Variants in PCCA observed in about 807,000 individuals in gnomAD.
PCCA encodes propionyl-CoA carboxylase subunit alpha.
A neutral mutation model predicts 101.3 loss-of-function variants in PCCA; 74 were observed. That is an observed-to-expected ratio of 0.73 (90% CI 0.61 to 0.89). The LOEUF is 0.89. Ranked by LOEUF, PCCA falls within the 40% of genes least tolerant of loss-of-function variation. The pLI, the probability that PCCA is intolerant of heterozygous loss-of-function variation, is 0.00. For missense variants in PCCA, 891 were observed against 907.0 expected (o/e 0.98, Z 0.23); for synonymous variants, 294 against 313.6 (o/e 0.94, Z 0.66).
At chr13:100,332,449 CAG>C (rs1343601604) in intron 17 of PCCA, among the ~76,000 whole-genome samples, 1 of 152,006 alleles carries the variant, frequency 6.6e-6, no homozygotes, top group Non-Finnish European at 1.5e-5. Flanking sequence ...AAGGAGAAAA[CAG>C]GGAAAAACTA....
At chr13:100,494,631 C>T (rs545722783) in intron 21 of PCCA, among the ~76,000 whole-genome samples, 1 of 150,220 alleles carries the variant, frequency 6.7e-6, no homozygotes, top group African/African-American at 2.5e-5. Flanking sequence ...TGCGGTGAGC[C>T]GAGATCGCGC....
chr13:100,187,994 A>G (rs919905258), intron 6 of PCCA, among the ~76,000 whole-genome samples: 1 of 151,956 alleles, frequency 6.6e-6, no homozygotes, highest in Non-Finnish European at 1.5e-5. Flanking sequence ...GGGTGAGAAC[A>G]TACGATGTTT....
At chr13:100,248,359 A>G (rs1216353225) in intron 8 of PCCA, among the ~76,000 whole-genome samples, 3 of 152,044 alleles carry the variant, frequency 2.0e-5, no homozygotes, top group South Asian at 2.1e-4. Context: ...TCCCTCCACT[A>G]TGTTGGAAAT....
At chr13:100,162,132 G>C (rs1277957449) in intron 6 of PCCA, among the ~76,000 whole-genome samples, 1 of 151,454 alleles carries the variant, frequency 6.6e-6, no homozygotes, top group African/African-American at 2.4e-5. Flanking sequence ...GCGTGTGCTA[G>C]AATTTTGCTA....
At chr13:100,269,589 G>T (rs2063171891) in intron 11 of PCCA, among the ~76,000 whole-genome samples, 2 of 152,078 alleles carry the variant, frequency 1.3e-5, no homozygotes, top group Non-Finnish European at 2.9e-5. Context: ...TTTGATGCTA[G>T]GTTGCTATTT....
chr13:100,388,875 A>G (rs2076660521), intron 19 of PCCA, among the ~76,000 whole-genome samples: 1 of 152,240 alleles, frequency 6.6e-6, no homozygotes, highest in African/African-American at 2.4e-5. Context: ...TATAAATAGA[A>G]TGAACAGTGG....
intron 4 of PCCA, among the ~76,000 whole-genome samples, chr13:100,136,556 G>A (rs1181745783): frequency 6.6e-6 from 1 of 152,096 alleles, no homozygotes; most frequent in African/African-American, 2.4e-5. Flanking sequence ...GGTTTTAAAT[G>A]ACGTATTCAA....
chr13:100,524,412 T>TGTGTGTGTGTGTGTGTGTG (rs59438858), intron 22 of PCCA, among the ~76,000 whole-genome samples: 12 of 148,916 alleles, frequency 8.1e-5, no homozygotes, highest in Non-Finnish European at 1.5e-4. Flanking sequence ...TGTGTGTGTG[T>TGTGTGTGTGTGTGTGTGTG]TGGGGTAGAA....
At chr13:100,302,737 T>A (rs1595210806) in intron 13 of PCCA, among the ~76,000 whole-genome samples, 187 bp from the exon 14 acceptor site, 1 of 152,212 alleles carries the variant, frequency 6.6e-6, no homozygotes, top group South Asian at 2.1e-4. Flanking sequence ...CTTACAGTTC[T>A]GTTTGATTTT....
intron 21 of PCCA, among the ~76,000 whole-genome samples, chr13:100,455,810 C>T (rs953617376): frequency 6.6e-6 from 1 of 152,112 alleles, no homozygotes; most frequent in Admixed American, 6.5e-5. Flanking sequence ...AGCAATTCTT[C>T]TGTCTCAGCC....
intron 9 of PCCA, among the ~76,000 whole-genome samples, chr13:100,260,535 T>C (rs1327709709): frequency 6.6e-6 from 1 of 151,990 alleles, no homozygotes; most frequent in Non-Finnish European, 1.5e-5. Flanking sequence ...TAGCTGGGAC[T>C]ACAGGCGCAC....
intron 4 of PCCA, among the ~76,000 whole-genome samples, chr13:100,144,569 T>C (rs926891537): frequency 3.3e-5 from 5 of 152,216 alleles, no homozygotes; most frequent in African/African-American, 1.2e-4. Context: ...AACTGATTAA[T>C]TGTAGAAAAC....
intron 9 of PCCA, among the ~76,000 whole-genome samples, chr13:100,259,742 C>T (rs1222445824): frequency 5.9e-5 from 9 of 152,098 alleles, no homozygotes; most frequent in East Asian, 1.9e-4. Context: ...TTAAATGAAG[C>T]GTATGGCATG....
chr13:100,412,939 T>G (rs1229647414), intron 19 of PCCA, among the ~76,000 whole-genome samples: 7 of 152,216 alleles, frequency 4.6e-5, no homozygotes, highest in African/African-American at 1.7e-4. Flanking sequence ...GCAAATAAAT[T>G]TAAGATAGAA....
chr13:100,298,731 C>T (rs986002543), intron 12 of PCCA, among the ~76,000 whole-genome samples: 4 of 127,484 alleles, frequency 3.1e-5, no homozygotes, highest in Admixed American at 8.3e-5. Context: ...TCCTTCCTTC[C>T]TTCCTTCCTT....
At chr13:100,272,926 T>C (rs1178354262) in intron 11 of PCCA, among the ~76,000 whole-genome samples, 2 of 152,236 alleles carry the variant, frequency 1.3e-5, no homozygotes, top group East Asian at 1.9e-4. Flanking sequence ...AGAGTAGTTA[T>C]ATATTTTGTG....
rs375420894 is a variant in PCCA, at chr13:100,139,472, G to C, written c.301-15507G>C. The stretch of plus-strand genomic sequence containing the variant: ...TATAATTTCTGTTGATCAGTCTTCA[G>C]ATTTATTGACTCTTTCCTTTGTCAT... On this transcript the variant is annotated intron_variant, in intron 4 of 23. Coordinates refer to ENST00000376285, the MANE Select transcript of PCCA (RefSeq NM_000282.4). Among the ~76,000 whole-genome samples, 6 of 151,660 alleles carry C rather than the reference G, an allele frequency of 4.0e-5. No individual in the cohort carries two copies. The South Asian group carries it at 1.3e-3, about 32-fold the overall frequency.
chr13:100,134,640 T>C (rs945313341), intron 4 of PCCA, among the ~76,000 whole-genome samples: 1 of 152,064 alleles, frequency 6.6e-6, no homozygotes, highest in Non-Finnish European at 1.5e-5. Flanking sequence ...CACTGTAGGC[T>C]TGACCACCTG....
At chr13:100,210,883 C>T (rs1338537859) in intron 7 of PCCA, among the ~76,000 whole-genome samples, 1 of 152,190 alleles carries the variant, frequency 6.6e-6, no homozygotes, top group Non-Finnish European at 1.5e-5. Context: ...TATTTACCTG[C>T]ATTTACTTTT....
Sources: gnomAD v4.1 joint callset for allele counts (sites outside exome capture counted in the v4.1 genomes callset) on GRCh38, gnomAD v4.1.1 for gene constraint, MANE v1.5 for transcripts, NCBI Gene and HGNC (gene_info 2026-07-23, HGNC 2026-07-21) for gene names.